The following COL22A1 variants were observed in gnomAD, a reference collection of about 807,000 sequenced individuals.
The protein encoded by COL22A1 is collagen alpha-1(XXII) chain.
COL22A1 carries 221 observed loss-of-function variants against 248.9 expected under a neutral mutation model. The observed-to-expected ratio is 0.89, with a 90% CI of 0.80 to 0.99. The LOEUF is 0.99. Ranked by LOEUF, COL22A1 falls within the 50% of genes least tolerant of loss-of-function variation. The pLI, the probability that COL22A1 is intolerant of heterozygous loss-of-function variation, is 0.00. For missense variants in COL22A1, 2,240 were observed against 2,179.0 expected (o/e 1.03, Z -0.56); for synonymous variants, 891 against 793.4 (o/e 1.12, Z -2.07).
chr8:138,596,992 G>GT (rs754548240), intron 61 of COL22A1, 22 bp from the exon 62 acceptor site: 1 of 1,602,374 alleles, frequency 6.2e-7, no homozygotes, highest in Admixed American at 1.7e-5. Flanking sequence ...GGAAGGTGGA[G>GT]TCATTCATCT....
Position 138,693,655 on chromosome 8 carries a change from A to G in COL22A1, c.2745T>C (p.Ala915=). 1 of 1,585,688 alleles carries G rather than the reference A, an allele frequency of 6.3e-7. No homozygotes were observed. Among genetic ancestry groups the G allele is most frequent in the South Asian group, 1.2e-5 (1 of 86,600 alleles). ...QEGAHGAPGA[A]GNPGAPGHVG... Reference sequence around the variant, plus strand: ...GATCATAGGGACTCACGGGGTTTCCAGCTGCTCCAGGAGCCCCATGTGCAC... The same window carrying G: ...GATCATAGGGACTCACGGGGTTTCCGGCTGCTCCAGGAGCCCCATGTGCAC... Residue 915 remains alanine (A), a synonymous_variant, in exon 35 of 65, where the codon GCT becomes GCC. Coordinates refer to ENST00000303045, the MANE Select transcript of COL22A1 (RefSeq NM_152888.3).
chr8:138,708,877 C>T (rs1159077344), intron 30 of COL22A1, among the ~76,000 whole-genome samples: 2 of 152,168 alleles, frequency 1.3e-5, no homozygotes, highest in African/African-American at 4.8e-5. Context: ...AAAATTTTCA[C>T]AATCTACCCA....
intron 41 of COL22A1, among the ~76,000 whole-genome samples, chr8:138,675,648 G>T (rs768912854): frequency 2.0e-5 from 3 of 152,194 alleles, no homozygotes; most frequent in Non-Finnish European, 4.4e-5. Flanking sequence ...CTTTTAAGGT[G>T]CATTAAGAGG....
At chr8:138,815,931 G>C (rs1818648253) in intron 7 of COL22A1, among the ~76,000 whole-genome samples, 1 of 152,156 alleles carries the variant, frequency 6.6e-6, no homozygotes, top group South Asian at 2.1e-4. Flanking sequence ...ACACTGAAGT[G>C]CCCCTTGAAG....
rs796131293 is a variant in COL22A1 at position 138,616,815 on chromosome 8, T to C, written c.3870+99A>G. The C allele has an allele frequency of 5.0e-6, 7 of 1,386,154 alleles. No individual in the cohort carries two copies. The African/African-American group carries it at 8.5e-5, about 17-fold the overall frequency. The allele number at this position is 1,386,154 out of a possible 1,614,324, so 85.9% of individuals were successfully genotyped here. A position where few individuals can be genotyped will look rare whatever the true frequency, so the allele number is the denominator to read the frequency against. On this transcript the variant is annotated intron_variant, in intron 54 of 64. Coordinates refer to ENST00000303045, the MANE Select transcript of COL22A1 (RefSeq NM_152888.3). Reference sequence around the variant, plus strand: ...GGTGTGCTCCACGTCCTCTCTCGGGTAAGGCACTGCCATGGCCTGCAGGCT... The same window carrying C: ...GGTGTGCTCCACGTCCTCTCTCGGGCAAGGCACTGCCATGGCCTGCAGGCT...
In COL22A1 at chr8:138,589,392, G is replaced by A. The variant is rs143281223; in HGVS notation, c.4742C>T (p.Pro1581Leu). 3.1e-5 allele frequency: 49 copies of A among 1,597,278 alleles called. No homozygotes were observed. In the African/African-American group the frequency reaches 6.1e-4, roughly 20 times the overall value. The change falls in exon 65 of 65, where the codon CCT becomes CTT. Residue 1581 changes from proline to leucine, a missense_variant. By Grantham distance (98) the Pro-to-Leu change is moderately conservative (BLOSUM62 -3). Coordinates refer to ENST00000303045, the MANE Select transcript of COL22A1 (RefSeq NM_152888.3). ...TGGTCCTGTCTCCCCTTGAGGGCCA[G>A]GGATCCCAGGAAGTCCATCTTTAGC... ...GYAKDGLPGI[P>L]GPQGETGPAG...
intron 12 of COL22A1, among the ~76,000 whole-genome samples, chr8:138,781,793 C>T (rs1468517676): frequency 6.6e-6 from 1 of 152,214 alleles, no homozygotes; most frequent in Non-Finnish European, 1.5e-5. Context: ...CCCCGCCCCA[C>T]TCCCAGCTCT....
At chr8:138,635,885 G>T (rs146731054) in intron 48 of COL22A1, among the ~76,000 whole-genome samples, 35 of 152,282 alleles carry the variant, frequency 2.3e-4, no homozygotes, top group Non-Finnish European at 4.7e-4. Context: ...TCATCTCACT[G>T]CCTGTGGGTT....
chr8:138,697,071 G>A (rs148922608), intron 32 of COL22A1, among the ~76,000 whole-genome samples: 2,070 of 152,258 alleles, frequency 0.014, 48 homozygotes, highest in African/African-American at 0.047. Flanking sequence ...GAGGACCTAC[G>A]GAGGGTCAGA....
At chr8:138,610,506 A>G (rs1818772935) in intron 56 of COL22A1, among the ~76,000 whole-genome samples, 1 of 152,232 alleles carries the variant, frequency 6.6e-6, no homozygotes, top group Admixed American at 6.5e-5. Flanking sequence ...AGGTTGTCAG[A>G]GAAAGAACTC....
At chr8:138,848,930 G>A (rs765626134) in intron 3 of COL22A1, among the ~76,000 whole-genome samples, 2 of 152,132 alleles carry the variant, frequency 1.3e-5, no homozygotes, top group Non-Finnish European at 2.9e-5. Flanking sequence ...AAGCAATCAC[G>A]GCTCATCCAT....
rs1357218423 is a variant in COL22A1, at chr8:138,811,793, C to T, written c.1449+6G>A. On this transcript the variant is annotated splice_donor_region_variant and intron_variant, in intron 9 of 64. Coordinates refer to ENST00000303045, the MANE Select transcript of COL22A1 (RefSeq NM_152888.3). ...GCTGGGGCTGAAGGTGGACTGCAGA[C>T]AATACCTTCTCTCCAGCTGGGCAGG... is the stretch of plus-strand genomic sequence containing the variant. The T allele has an allele frequency of 2.1e-6, 3 of 1,414,342 alleles. No homozygotes were observed. In the African/African-American group the frequency reaches 4.4e-5, roughly 21 times the overall value. The allele number at this position is 1,414,342 out of a possible 1,614,324, so 87.6% of individuals were successfully genotyped here. A position where few individuals can be genotyped will look rare whatever the true frequency, so the allele number is the denominator to read the frequency against.
chr8:138,604,568 T>C (rs1002505222), intron 59 of COL22A1, among the ~76,000 whole-genome samples, 166 bp downstream of exon 59: 5 of 152,074 alleles, frequency 3.3e-5, no homozygotes, highest in African/African-American at 4.8e-5. Flanking sequence ...CCGGGCAAAA[T>C]TAAAACATGA....
At chr8:138,838,709 G>T (rs1470012174) in intron 4 of COL22A1, among the ~76,000 whole-genome samples, 1 of 150,814 alleles carries the variant, frequency 6.6e-6, no homozygotes, top group African/African-American at 2.4e-5. Context: ...ATAAATAAGG[G>T]CTGGGAAGGA....
rs777689415 is a variant in COL22A1 at position 138,826,678 on chromosome 8, C to T, written c.949G>A (p.Asp317Asn). 6 of 1,613,734 alleles carry T rather than the reference C, an allele frequency of 3.7e-6. No individual in the cohort carries two copies. The East Asian group carries it at 6.7e-5, about 18-fold the overall frequency. ...CTTACCTGTGGGATGCTGTACTGGT[C>T]GATGACCTGCCAGATATACCAGTCT... The part of the protein sequence containing the change: ...KEDWYIWQVI[D>N]QYSIPQVSIR... Residue 317 changes from aspartate to asparagine, a missense_variant, in exon 6 of 65, where the codon GAC (aspartate) becomes AAC (asparagine). Coordinates refer to ENST00000303045, the MANE Select transcript of COL22A1 (RefSeq NM_152888.3).
At chr8:138,745,505 T>C (rs762508408) in intron 22 of COL22A1, among the ~76,000 whole-genome samples, 7 of 152,250 alleles carry the variant, frequency 4.6e-5, no homozygotes, top group Non-Finnish European at 1.0e-4. Context: ...CTATGTTATG[T>C]GTCCATAAAA....
At chr8:138,878,356 C>T (rs1002063490) in intron 2 of COL22A1, 40 bp from the exon 3 acceptor site, 15 of 1,451,362 alleles carry the variant, frequency 1.0e-5, no homozygotes, top group Non-Finnish European at 1.4e-5. Flanking sequence ...GGCAAATGGG[C>T]ATGGAAAGGA....
intron 18 of COL22A1, among the ~76,000 whole-genome samples, chr8:138,759,262 C>T (rs949501591): frequency 6.6e-6 from 1 of 152,182 alleles, no homozygotes; most frequent in Non-Finnish European, 1.5e-5. Flanking sequence ...GGAGTTGGAG[C>T]AGCCTTCTCC....
intron 27 of COL22A1, among the ~76,000 whole-genome samples, chr8:138,719,889 G>A (rs1232424454): frequency 2.0e-5 from 3 of 152,208 alleles, no homozygotes; most frequent in Non-Finnish European, 2.9e-5. Context: ...CCAGTAGAGC[G>A]GGAGCCCTGT....
Sources: gnomAD v4.1 joint callset for allele counts (sites outside exome capture counted in the v4.1 genomes callset) on GRCh38, gnomAD v4.1.1 for gene constraint, MANE v1.5 for transcripts, NCBI Gene and HGNC (gene_info 2026-07-23, HGNC 2026-07-21) for gene names.